The following OLFM2 variants were observed in gnomAD, a reference collection of about 807,000 sequenced individuals.
OLFM2 encodes the protein noelin-2.
In OLFM2, 20 loss-of-function variants were observed where a neutral mutation model predicts 43.9. The ratio of observed to expected loss-of-function variants is 0.46; its 90% CI spans 0.32 to 0.66. The LOEUF (loss-of-function observed/expected upper bound fraction) is 0.66, where lower values mean the gene tolerates loss of function less well. Among genes scored for constraint, OLFM2 ranks in the 30% least tolerant of loss-of-function variants. OLFM2 has a pLI of 0.04. For missense variants in OLFM2, 416 were observed against 643.6 expected (o/e 0.65, Z 3.83); for synonymous variants, 268 against 278.6 (o/e 0.96, Z 0.38).
chr19:9,864,692 GCT>G (rs994977422), intron 1 of OLFM2, among the ~76,000 whole-genome samples: 3 of 151,026 alleles, frequency 2.0e-5, no homozygotes, highest in Non-Finnish European at 4.4e-5. Context: ...TGCAATCCTA[GCT>G]TACTGCAGCC....
chr19:9,894,617 G>A (rs544625334), intron 1 of OLFM2, among the ~76,000 whole-genome samples: 10 of 151,228 alleles, frequency 6.6e-5, no homozygotes, highest in South Asian at 4.2e-4. Context: ...GCTGAGCCAC[G>A]AGAATGGCTT....
intron 1 of OLFM2, among the ~76,000 whole-genome samples, chr19:9,925,436 C>T (rs2086446976): frequency 6.6e-6 from 1 of 152,016 alleles, no homozygotes; most frequent in East Asian, 1.9e-4. Context: ...AAACTTAAAA[C>T]ATAGTTACCA....
chr19:9,908,634 G>A (rs1314195077), intron 1 of OLFM2, among the ~76,000 whole-genome samples: 4 of 151,664 alleles, frequency 2.6e-5, no homozygotes, highest in Non-Finnish European at 4.4e-5. Flanking sequence ...ACCCGCCACC[G>A]TGCCCAGCTA....
chr19:9,907,868 G>T (rs1013964163), intron 1 of OLFM2, among the ~76,000 whole-genome samples: 5 of 152,000 alleles, frequency 3.3e-5, no homozygotes, highest in Admixed American at 6.6e-5. Flanking sequence ...AGCCAGGCCT[G>T]GTGGTGCATG....
chr19:9,898,458 G>A (rs552677345), intron 1 of OLFM2, among the ~76,000 whole-genome samples: 1 of 151,762 alleles, frequency 6.6e-6, no homozygotes, highest in South Asian at 2.1e-4. Flanking sequence ...GGAGGTGGAG[G>A]TTGCAGTGAA....
intron 1 of OLFM2, among the ~76,000 whole-genome samples, chr19:9,868,782 A>T (rs2046421578): frequency 6.6e-6 from 1 of 151,742 alleles, no homozygotes; most frequent in Non-Finnish European, 1.5e-5. Flanking sequence ...CTCTACAAAA[A>T]ATTTAAAAAT....
In OLFM2 at chr19:9,894,363, TG is replaced by T. The variant is rs561402451; in HGVS notation, c.64-33570del. On this transcript the variant is annotated intron_variant, in intron 1 of 5. Transcript: ENST00000264833. ...CTGCACTCCAGCCTGGGCAACAGAG[TG>T]AGACTCTCTCTCAATAATAATAATA... Among the ~76,000 whole-genome samples the T allele has an allele frequency of 3.5e-4, 43 of 124,230 alleles. 1 individual carries two copies. In the South Asian group the frequency reaches 7.8e-3, roughly 23 times the overall value. 81.5% of individuals were successfully genotyped at this position (124,230 alleles called of 152,430 possible).
chr19:9,886,850 A>C (rs2046591917), intron 1 of OLFM2, among the ~76,000 whole-genome samples: 1 of 150,646 alleles, frequency 6.6e-6, no homozygotes. Context: ...ACGCCTGGCT[A>C]ATTTTGTATT....
At chr19:9,918,845 G>C (rs1370210880) in intron 1 of OLFM2, among the ~76,000 whole-genome samples, 2 of 152,174 alleles carry the variant, frequency 1.3e-5, no homozygotes, top group African/African-American at 4.8e-5. Flanking sequence ...GTAGACGAGA[G>C]ATTGCCTGCA....
At chr19:9,889,318 C>T (rs1183216683) in intron 1 of OLFM2, among the ~76,000 whole-genome samples, 1 of 151,962 alleles carries the variant, frequency 6.6e-6, no homozygotes, top group Non-Finnish European at 1.5e-5. Flanking sequence ...GGCGCGATCA[C>T]AGCACACACA....
At chr19:9,907,639 G>C (rs1031301282) in intron 1 of OLFM2, among the ~76,000 whole-genome samples, 1 of 152,106 alleles carries the variant, frequency 6.6e-6, no homozygotes, top group South Asian at 2.1e-4. Flanking sequence ...TGGTGAGATG[G>C]AGATAGAATC....
At chr19:9,871,692 T>C (rs904859125) in intron 1 of OLFM2, among the ~76,000 whole-genome samples, 1 of 152,024 alleles carries the variant, frequency 6.6e-6, no homozygotes, top group Non-Finnish European at 1.5e-5. Context: ...ACCTCTCCTG[T>C]CCTCCTCCAA....
intron 1 of OLFM2, among the ~76,000 whole-genome samples, chr19:9,901,206 G>A (rs111375867): frequency 1.6e-3 from 236 of 146,840 alleles, no homozygotes; most frequent in Admixed American, 2.6e-3. Context: ...GAAAGAGGAC[G>A]GAAAGAAAGA....
rs1568366280 is a variant in OLFM2 at position 9,857,525 on chromosome 19, C to G, written c.361-43G>C. Reference sequence around the variant, plus strand: ...ACCATGGCCAAGCCTGACCCCTGGCCTTTGACCCAGACATGACTCCAACCT... The same window carrying G: ...ACCATGGCCAAGCCTGACCCCTGGCGTTTGACCCAGACATGACTCCAACCT... On this transcript the variant is annotated intron_variant, in intron 3 of 5. Coordinates refer to ENST00000264833, the MANE Select transcript of OLFM2 (RefSeq NM_058164.4). This position sits in a 1 kb window ranked among gnomAD's most constrained non-coding sequence, Gnocchi z 5.7. 6.2e-7 allele frequency: 1 copy of G among 1,603,584 alleles called. No individual in the cohort carries two copies. The highest frequency in any genetic ancestry group is 8.5e-7 in the Non-Finnish European group (1 of 1,174,466).
intron 1 of OLFM2, among the ~76,000 whole-genome samples, chr19:9,878,374 T>A (rs1329596459): frequency 2.1e-5 from 2 of 95,508 alleles, no homozygotes; most frequent in Non-Finnish European, 5.1e-5. Flanking sequence ...CTCAGTTTCA[T>A]TTCTCTCTTT....
intron 1 of OLFM2, among the ~76,000 whole-genome samples, chr19:9,909,709 C>T (rs75764500): frequency 0.038 from 5,758 of 152,264 alleles, 170 homozygotes; most frequent in Non-Finnish European, 0.06. Flanking sequence ...CTAAACCTTC[C>T]GACATCTCCT....
intron 1 of OLFM2, among the ~76,000 whole-genome samples, chr19:9,919,418 G>A (rs186514590): frequency 4.9e-4 from 75 of 151,816 alleles, no homozygotes; most frequent in African/African-American, 1.5e-3. Flanking sequence ...CACCTGCCTC[G>A]GCCTCCCAAA....
intron 1 of OLFM2, among the ~76,000 whole-genome samples, chr19:9,875,657 T>TTTGTTG (rs34652517): frequency 2.7e-5 from 4 of 150,368 alleles, no homozygotes; most frequent in Non-Finnish European, 5.9e-5. Context: ...CATCTGGTTG[T>TTTGTTG]TTGTTGTTGT....
chr19:9,906,510 G>A (rs928320205), intron 1 of OLFM2, among the ~76,000 whole-genome samples: 1 of 152,084 alleles, frequency 6.6e-6, no homozygotes. Context: ...CTGTGTTTCT[G>A]ATCACGACAG....
Sources: allele counts gnomAD v4.1 joint callset (sites outside exome capture counted in the v4.1 genomes callset), GRCh38; gene constraint gnomAD v4.1.1; non-coding constraint Gnocchi (gnomAD v3.1); transcripts MANE v1.5; gene names NCBI Gene and HGNC (gene_info 2026-07-23, HGNC 2026-07-21).